Variants in TNRC18 observed in about 807,000 individuals in gnomAD.
TNRC18 encodes the protein trinucleotide repeat containing 18.
In TNRC18, 69 loss-of-function variants were observed where a neutral mutation model predicts 226.7. The observed-to-expected ratio is 0.30, with a 90% CI of 0.25 to 0.37. The LOEUF is 0.37. Among genes scored for constraint, TNRC18 ranks in the 10% least tolerant of loss-of-function variants. The probability of loss-of-function intolerance (pLI) is 1.00; values close to 1 mark genes in which losing one functional copy is unlikely to be tolerated. For synonymous variants in TNRC18, 2,449 were observed against 1,927.6 expected (o/e 1.27, Z -7.09); for missense variants, 4,754 against 4,256.6 (o/e 1.12, Z -3.25).
chr7:5,378,505 A>G (rs1025747185), intron 5 of TNRC18, among the ~76,000 whole-genome samples: 3 of 148,774 alleles, frequency 2.0e-5, no homozygotes, highest in Non-Finnish European at 3.0e-5. Context: ...TGCAAGCTCC[A>G]CCTCCCAGGT....
intron 5 of TNRC18, 131 bp downstream of exon 5, chr7:5,387,541 A>G (rs1202588008): frequency 1.5e-6 from 2 of 1,329,074 alleles, no homozygotes; most frequent in African/African-American, 1.5e-5. Flanking sequence ...CAGAACATTC[A>G]AGACCATTTT....
chr7:5,339,578 T>TG lies in TNRC18; in HGVS notation c.5719+5983_5719+5984insC, dbSNP rs1562514256. Among the ~76,000 whole-genome samples, 1,022 of 146,258 alleles carry TG rather than the reference T, an allele frequency of 7.0e-3. 8 individuals carry two copies. Among genetic ancestry groups the TG allele is most frequent in the South Asian group, 0.027 (122 of 4,542 alleles). ...GTGTGTGTGTGTGTGTGTGTGTGTG[T>TG]TTTTCGACAGAGTGTCGCTCTTGTC... On this transcript the variant is annotated intron_variant, in intron 18 of 29. Coordinates refer to ENST00000430969, the MANE Select transcript of TNRC18 (RefSeq NM_001080495.3).
At chr7:5,319,344 T>G (rs1165007792) in intron 24 of TNRC18, among the ~76,000 whole-genome samples, 1 of 152,138 alleles carries the variant, frequency 6.6e-6, no homozygotes, top group Non-Finnish European at 1.5e-5. Flanking sequence ...GTGGGCTTTT[T>G]TTTTGCACGG....
Position 5,362,775 on chromosome 7 carries a change from C to T in TNRC18, c.4270G>A (p.Ala1424Thr). 3.2e-6 allele frequency: 5 copies of T among 1,572,124 alleles called. No individual in the cohort carries two copies. The highest frequency in any genetic ancestry group is 2.3e-5 in the South Asian group (2 of 85,518). The change falls in exon 12 of 30, where the codon GCT becomes ACT. Residue 1424 changes from alanine to threonine, a missense_variant. Transcript: ENST00000430969. The stretch of plus-strand genomic sequence containing the variant: ...ACCTCCCTCAGCATGTGGCTGCCAG[C>T]TGCCAGCAGACTCTCCAGGGAGGGC... ...ARPSLESLLA[A>T]GSHMLREVLD... is the part of the protein sequence containing the mutation.
intron 5 of TNRC18, among the ~76,000 whole-genome samples, chr7:5,382,911 G>C (rs1562587102): frequency 6.6e-6 from 1 of 152,010 alleles, no homozygotes; most frequent in African/African-American, 2.4e-5. Context: ...TCTATTTTTG[G>C]GGTGGGGGCA....
In TNRC18 at chr7:5,421,797, C is replaced by T. The variant is rs1158691324; in HGVS notation, c.-243-308G>A. 2.0e-5 allele frequency among the ~76,000 whole-genome samples: 3 copies of T among 152,348 alleles called. No individual in the cohort carries two copies. The East Asian group carries it at 5.8e-4, about 29-fold the overall frequency. On this transcript the variant is annotated intron_variant, in intron 1 of 29. Transcript: ENST00000430969. ...GGTCCTCCCGAAACCGGGGAGGGCT[C>T]CTCGGCTGCGCCCAGACGGCGTAAA...
chr7:5,356,827 GGGC>G (rs370237690), intron 16 of TNRC18, 86 bp downstream of exon 16: 46,970 of 1,114,780 alleles, frequency 0.042, 61 homozygotes, highest in South Asian at 0.049. Context: ...AGAGAGTGAG[GGGC>G]GGGGGGGGAA....
chr7:5,325,199 CG>C lies in TNRC18; in HGVS notation c.6196del (p.Arg2066GlufsTer17). The C allele has an allele frequency of 6.4e-7, 1 of 1,554,178 alleles. No homozygotes were observed. On this transcript the variant is annotated frameshift_variant, in exon 20 of 30. Coordinates refer to ENST00000430969, the MANE Select transcript of TNRC18 (RefSeq NM_001080495.3). LOFTEE classifies it high-confidence loss of function. ...AGPGAGLPPP[R>X]APALPSEARA... ...GGCCTCAGAGGGCAAGGCAGGAGCT[CG>C]GGGCGGCGGCAGCCCAGCTCCTGGC...
chr7:5,355,764 G>A (rs1767818625), intron 16 of TNRC18, among the ~76,000 whole-genome samples: 3 of 152,094 alleles, frequency 2.0e-5, no homozygotes, highest in Non-Finnish European at 2.9e-5. Context: ...CCTAGTCCCA[G>A]CTACTCGGAG....
rs192406527 is a variant in TNRC18 at position 5,366,225 on chromosome 7, C to G, written c.4220-3400G>C. Among the ~76,000 whole-genome samples the G allele has an allele frequency of 3.2e-4, 48 of 151,692 alleles. No individual in the cohort carries two copies. The East Asian group carries it at 7.0e-3, about 22-fold the overall frequency. ...CCACTAGATGGCAGTAGTGCTCCCCCCAAGCTGTGACAACCAAAAATGTGG... is the reference window on the plus strand; with the variant it reads ...CCACTAGATGGCAGTAGTGCTCCCCGCAAGCTGTGACAACCAAAAATGTGG... On this transcript the variant is annotated intron_variant, in intron 11 of 29. Coordinates refer to ENST00000430969, the MANE Select transcript of TNRC18 (RefSeq NM_001080495.3).
At chr7:5,407,660 G>A (rs1229601984) in intron 2 of TNRC18, among the ~76,000 whole-genome samples, 1 of 152,222 alleles carries the variant, frequency 6.6e-6, no homozygotes, top group Non-Finnish European at 1.5e-5. Flanking sequence ...TTTAAATAAA[G>A]GGAATCCCAA....
intron 9 of TNRC18, among the ~76,000 whole-genome samples, chr7:5,375,410 G>C (rs1329495712): frequency 6.6e-6 from 1 of 152,348 alleles, no homozygotes; most frequent in East Asian, 1.9e-4. Flanking sequence ...AGCAACCCAA[G>C]GACTAGGCAA....
rs1794147365 is a variant in TNRC18, at chr7:5,371,377, C to G, written c.3230-13G>C. On this transcript the variant is annotated splice_polypyrimidine_tract_variant and intron_variant, in intron 10 of 29. Coordinates refer to ENST00000430969, the MANE Select transcript of TNRC18 (RefSeq NM_001080495.3). Reference sequence around the variant, plus strand: ...CTGGGCGGGATATCTGCCAAGGACACAGGGGTCAGCATGGGAGCCCTAGGA... The same window carrying G: ...CTGGGCGGGATATCTGCCAAGGACAGAGGGGTCAGCATGGGAGCCCTAGGA... The G allele has an allele frequency of 2.0e-6, 3 of 1,498,866 alleles. No homozygotes were observed. Among genetic ancestry groups the G allele is most frequent in the Non-Finnish European group, 2.7e-6 (3 of 1,130,944 alleles). The allele number at this position is 1,498,866 out of a possible 1,614,324, so 92.8% of individuals were successfully genotyped here.
chr7:5,418,252 T>C (rs1336942863), intron 2 of TNRC18, among the ~76,000 whole-genome samples: 1 of 152,216 alleles, frequency 6.6e-6, no homozygotes, highest in Non-Finnish European at 1.5e-5. Flanking sequence ...TGTGAATATT[T>C]TGTTCACAAT....
chr7:5,331,526 C>T (rs563055246), intron 19 of TNRC18, among the ~76,000 whole-genome samples: 21 of 152,266 alleles, frequency 1.4e-4, no homozygotes, highest in African/African-American at 4.1e-4. Context: ...GTACCAGCAG[C>T]GCCGGTGAAA....
chr7:5,373,968 G>C, intron 10 of TNRC18, 87 bp downstream of exon 10: 2 of 1,114,368 alleles, frequency 1.8e-6, no homozygotes, highest in Non-Finnish European at 2.4e-6. Flanking sequence ...ATGAACGAAC[G>C]ATCGAACGGG....
intron 4 of TNRC18, 125 bp from the exon 5 acceptor site, chr7:5,389,461 G>GTTTTTTTCT: frequency 3.5e-6 from 2 of 564,674 alleles, no homozygotes; most frequent in Non-Finnish European, 4.5e-6. Flanking sequence ...TTTGGTTTTG[G>GTTTTTTTCT]TTTTTTTTTT....
intron 3 of TNRC18, among the ~76,000 whole-genome samples, chr7:5,391,122 G>A (rs1333203866): frequency 1.3e-5 from 2 of 151,924 alleles, no homozygotes; most frequent in Non-Finnish European, 1.5e-5. Context: ...TTTCTCTGCT[G>A]TGTGACCCCA....
chr7:5,360,445 G>A (rs1044592389), intron 14 of TNRC18, among the ~76,000 whole-genome samples: 6 of 152,092 alleles, frequency 3.9e-5, no homozygotes, highest in Non-Finnish European at 7.3e-5. Flanking sequence ...GCCCAGGCTG[G>A]TCTCAAACTC....
Sources: allele counts gnomAD v4.1 joint callset (sites outside exome capture counted in the v4.1 genomes callset), GRCh38; gene constraint gnomAD v4.1.1; transcripts MANE v1.5; gene names NCBI Gene and HGNC (gene_info 2026-07-23, HGNC 2026-07-21).